The following KCNIP1 variants were observed in gnomAD, a reference collection of about 807,000 sequenced individuals.
KCNIP1 encodes the protein A-type potassium channel modulatory protein KCNIP1.
A neutral mutation model predicts 33.0 loss-of-function variants in KCNIP1; 18 were observed. The ratio of observed to expected loss-of-function variants is 0.55; its 90% CI spans 0.38 to 0.81. The LOEUF is 0.81. Among genes scored for constraint, KCNIP1 ranks in the 30% least tolerant of loss-of-function variants. The pLI is 0.00. For missense variants in KCNIP1, 238 were observed against 271.6 expected (o/e 0.88, Z 0.87); for synonymous variants, 93 against 98.3 (o/e 0.95, Z 0.32).
At chr5:170,395,361 T>C (rs775561896) in intron 1 of KCNIP1, among the ~76,000 whole-genome samples, 6 of 152,230 alleles carry the variant, frequency 3.9e-5, no homozygotes, top group Non-Finnish European at 8.8e-5. Context: ...ATGCTGAGCA[T>C]TTCAAAAACA....
intron 1 of KCNIP1, among the ~76,000 whole-genome samples, chr5:170,629,816 C>A (rs1391427909): frequency 2.0e-5 from 3 of 152,200 alleles, no homozygotes; most frequent in Non-Finnish European, 4.4e-5. Flanking sequence ...ATGAATTAAC[C>A]CTGAACCTGA....
intron 1 of KCNIP1, among the ~76,000 whole-genome samples, chr5:170,390,502 C>CAA (rs1296285736): frequency 1.1e-3 from 38 of 35,750 alleles, no homozygotes; most frequent in Admixed American, 3.2e-3. Flanking sequence ...GACCCCGTCT[C>CAA]AAAAAAAAAA....
At chr5:170,516,790 A>G (rs1282426888) in intron 1 of KCNIP1, among the ~76,000 whole-genome samples, 1 of 152,216 alleles carries the variant, frequency 6.6e-6, no homozygotes, top group Non-Finnish European at 1.5e-5. Flanking sequence ...CAGCTTCTTC[A>G]TCTGTTAAAC....
At chr5:170,559,890 C>T (rs1296686564) in intron 1 of KCNIP1, among the ~76,000 whole-genome samples, 1 of 152,216 alleles carries the variant, frequency 6.6e-6, no homozygotes, top group Admixed American at 6.5e-5. Context: ...GTCTTGGTCA[C>T]CATTTCAACA....
intron 2 of KCNIP1, 85 bp downstream of exon 2, chr5:170,718,967 C>A: frequency 1.3e-6 from 2 of 1,526,552 alleles, no homozygotes; most frequent in Non-Finnish European, 1.8e-6. Context: ...GCTCATAAGG[C>A]GTTTCCCATA....
intron 1 of KCNIP1, chr5:170,482,936 T>A (rs1757006584): frequency 2.8e-6 from 1 of 359,250 alleles, no homozygotes. Flanking sequence ...TTTTATCTGG[T>A]CTTTCAGTAT....
chr5:170,464,212 A>T (rs977154659), intron 1 of KCNIP1, among the ~76,000 whole-genome samples: 1 of 152,220 alleles, frequency 6.6e-6, no homozygotes, highest in African/African-American at 2.4e-5. Flanking sequence ...AGATGGCAAT[A>T]CTTAATATTA....
intron 1 of KCNIP1, among the ~76,000 whole-genome samples, chr5:170,393,624 C>T (rs557912492): frequency 2.6e-5 from 4 of 152,266 alleles, no homozygotes; most frequent in African/African-American, 9.6e-5. Flanking sequence ...GAGGAAATAA[C>T]GGTGGGAGGT....
chr5:170,554,493 G>A (rs1459565040), intron 1 of KCNIP1, among the ~76,000 whole-genome samples: 1 of 152,194 alleles, frequency 6.6e-6, no homozygotes, highest in African/African-American at 2.4e-5. Context: ...GATGGCAAGC[G>A]AGGGAGCAGC....
At chr5:170,642,516 T>A (rs1343174622) in intron 1 of KCNIP1, among the ~76,000 whole-genome samples, 1 of 152,196 alleles carries the variant, frequency 6.6e-6, no homozygotes, top group African/African-American at 2.4e-5. Context: ...GGTGCCTCCA[T>A]CAGCCCCCAG....
At chr5:170,635,150 C>T (rs996996886) in intron 1 of KCNIP1, among the ~76,000 whole-genome samples, 2 of 152,228 alleles carry the variant, frequency 1.3e-5, no homozygotes, top group African/African-American at 4.8e-5. Flanking sequence ...GTGCCTCAAC[C>T]TCCTGACTAG....
chr5:170,361,078 T>C (rs1763500287), intron 1 of KCNIP1, among the ~76,000 whole-genome samples: 1 of 152,206 alleles, frequency 6.6e-6, no homozygotes, highest in African/African-American at 2.4e-5. Flanking sequence ...TCCGCTCTCA[T>C]GCTCTGCTGG....
intron 1 of KCNIP1, among the ~76,000 whole-genome samples, chr5:170,435,641 T>A (rs568018087): frequency 3.3e-5 from 5 of 152,278 alleles, no homozygotes; most frequent in African/African-American, 1.2e-4. Context: ...ATTCCTGCCT[T>A]GTTATGTGAT....
intron 1 of KCNIP1, among the ~76,000 whole-genome samples, chr5:170,488,772 C>T (rs186369666): frequency 8.3e-4 from 126 of 152,264 alleles, no homozygotes; most frequent in Non-Finnish European, 1.4e-3. Flanking sequence ...TGGAACAGAG[C>T]CCGGGGAAGG....
chr5:170,701,523 A>G (rs1224469495), intron 1 of KCNIP1, among the ~76,000 whole-genome samples: 1 of 152,178 alleles, frequency 6.6e-6, no homozygotes, highest in Non-Finnish European at 1.5e-5. Flanking sequence ...AAACTAACTC[A>G]GCTAATTAAT....
chr5:170,387,823 C>T (rs1055663180), intron 1 of KCNIP1, among the ~76,000 whole-genome samples: 3 of 152,236 alleles, frequency 2.0e-5, no homozygotes, highest in Non-Finnish European at 4.4e-5. Context: ...CCCCAACAGC[C>T]TGCTTCCCCA....
intron 1 of KCNIP1, among the ~76,000 whole-genome samples, chr5:170,506,853 C>G (rs1053946259): frequency 5.3e-5 from 8 of 152,170 alleles, no homozygotes; most frequent in Non-Finnish European, 1.2e-4. Flanking sequence ...GCATATGTTC[C>G]CCCAGGTATT....
intron 1 of KCNIP1, among the ~76,000 whole-genome samples, chr5:170,612,602 G>A (rs1396053846): frequency 2.6e-5 from 4 of 152,128 alleles, no homozygotes; most frequent in Admixed American, 1.3e-4. Flanking sequence ...CCCAGAGCTC[G>A]CTCCCATTTT....
At chr5:170,711,303 T>C (rs1241419209) in intron 1 of KCNIP1, among the ~76,000 whole-genome samples, 1 of 152,258 alleles carries the variant, frequency 6.6e-6, no homozygotes, top group African/African-American at 2.4e-5. Context: ...TCTATGTGTA[T>C]GCCTCCTCAC....
Sources: allele counts gnomAD v4.1 joint callset (sites outside exome capture counted in the v4.1 genomes callset), GRCh38; gene constraint gnomAD v4.1.1; transcripts MANE v1.5; gene names NCBI Gene and HGNC (gene_info 2026-07-23, HGNC 2026-07-21).